The following PIGL variants were observed in gnomAD, a reference collection of about 807,000 sequenced individuals.
PIGL encodes the protein phosphatidylinositol glycan anchor biosynthesis class L.
In PIGL, 22 loss-of-function variants were observed where a neutral mutation model predicts 31.1. That is an observed-to-expected ratio of 0.71 (90% CI 0.51 to 1.01). The LOEUF (loss-of-function observed/expected upper bound fraction) is 1.01. PIGL is among the 50% of genes least tolerant of loss of function. PIGL has a pLI of 0.00. For synonymous variants in PIGL, 131 were observed against 117.4 expected, an observed-to-expected ratio of 1.12 and a Z score of -0.75; for missense variants, 302 against 315.9, an observed-to-expected ratio of 0.96 and a Z score of 0.33.
intron 2 of PIGL, among the ~76,000 whole-genome samples, chr17:16,248,687 A>T (rs1267378811): frequency 2.6e-5 from 4 of 152,132 alleles, no homozygotes; most frequent in Non-Finnish European, 5.9e-5. Flanking sequence ...GGATTTTTCT[A>T]GCATTCACCT....
chr17:16,220,706 C>T (rs2092624640), intron 1 of PIGL, among the ~76,000 whole-genome samples: 1 of 151,898 alleles, frequency 6.6e-6, no homozygotes, highest in South Asian at 2.1e-4. Context: ...AGGCTGGTCT[C>T]AAAACTCCCG....
chr17:16,320,517 GAA>G lies in PIGL; in HGVS notation c.660+2611_660+2612del, dbSNP rs1160368789. ...AGGGAAAGCGGGAGAGAGAGAGAGA[GAA>G]AGAAAAGAAAAGAAGAAGGAAGGAA... On this transcript the variant is annotated intron_variant, in intron 6 of 6. Coordinates refer to ENST00000225609, the MANE Select transcript of PIGL (RefSeq NM_004278.4). Among the ~76,000 whole-genome samples the G allele has an allele frequency of 2.7e-3, 363 of 135,826 alleles. 3 individuals carry two copies. Among genetic ancestry groups the G allele is most frequent in the African/African-American group, 9.8e-3 (346 of 35,370 alleles). The allele number at this position is 135,826 out of a possible 152,430, so 89.1% of individuals were successfully genotyped here.
At position 16,317,859 on chromosome 17, in the gene PIGL, C is replaced by G. The variant is rs374224976; in HGVS notation, c.611C>G (p.Thr204Arg). ...GATCTGCCCTTGTCTCTGCTTCATACGCAGGATGTCCTCTTCGTGCTCAAC... is the reference window on the plus strand; with the variant it reads ...GATCTGCCCTTGTCTCTGCTTCATAGGCAGGATGTCCTCTTCGTGCTCAAC... ...LLDLPLSLLH[T>R]QDVLFVLNSK... Residue 204 changes from threonine to arginine, a missense_variant, in exon 6 of 7, where the codon ACG (threonine) becomes AGG (arginine). Coordinates refer to ENST00000225609, the MANE Select transcript of PIGL (RefSeq NM_004278.4). The G allele has an allele frequency of 3.1e-6, 5 of 1,613,940 alleles. No homozygotes were observed. The highest frequency in any genetic ancestry group is 8.5e-7 in the Non-Finnish European group (1 of 1,180,046).
At chr17:16,311,237 TTC>T (rs1439333770) in intron 3 of PIGL, among the ~76,000 whole-genome samples, 1 of 151,858 alleles carries the variant, frequency 6.6e-6, no homozygotes, top group Non-Finnish European at 1.5e-5. Flanking sequence ...GTTTTTATAT[TTC>T]TTTTATTATT....
At chr17:16,267,309 G>A (rs889806114) in intron 2 of PIGL, among the ~76,000 whole-genome samples, 3 of 152,106 alleles carry the variant, frequency 2.0e-5, no homozygotes, top group Non-Finnish European at 4.4e-5. Context: ...TCTTCACATT[G>A]AGTAGGCTAT....
Position 16,217,223 on chromosome 17 carries a change from C to T in PIGL, c.-4C>T. On this transcript the variant is annotated 5_prime_UTR_variant, in exon 1 of 7. Transcript: ENST00000225609. ...CTGCGCAGGCTCAGTGCTGCTTACC[C>T]ATCATGGAAGCAATGTGGCTCCTGT... 2 of 1,612,916 alleles carry T rather than the reference C, an allele frequency of 1.2e-6. No homozygotes were observed. Among genetic ancestry groups the T allele is most frequent in the Non-Finnish European group, 1.7e-6 (2 of 1,178,950 alleles).
At chr17:16,324,284 T>C (rs1568850836) in intron 6 of PIGL, 1 of 152,106 alleles carries the variant, frequency 6.6e-6, no homozygotes. Flanking sequence ...TATTATCTTA[T>C]AATGTCTCTC....
chr17:16,298,748 C>T (rs1342110568), intron 2 of PIGL, among the ~76,000 whole-genome samples: 1 of 152,164 alleles, frequency 6.6e-6, no homozygotes, highest in African/African-American at 2.4e-5. Context: ...CTGTCAAAGG[C>T]CAGGTGCAGT....
intron 2 of PIGL, among the ~76,000 whole-genome samples, chr17:16,243,410 TG>T (rs2092731212): frequency 1.3e-5 from 2 of 152,280 alleles, no homozygotes; most frequent in Non-Finnish European, 2.9e-5. Flanking sequence ...GTATTTGATT[TG>T]GGGTGGGGAT....
chr17:16,237,834 CTT>C (rs2092705924), intron 2 of PIGL, among the ~76,000 whole-genome samples: 1 of 149,096 alleles, frequency 6.7e-6, no homozygotes, highest in Non-Finnish European at 1.5e-5. Flanking sequence ...AATTGAATCT[CTT>C]TTCTGTCACA....
intron 2 of PIGL, among the ~76,000 whole-genome samples, chr17:16,278,212 C>T (rs570198255): frequency 7.2e-5 from 11 of 152,248 alleles, no homozygotes; most frequent in East Asian, 1.9e-4. Flanking sequence ...TGAGCCACCA[C>T]GCCTGGCTAA....
Position 16,258,069 on chromosome 17 carries a change from AAGAGAG to A in PIGL, c.335+24027_335+24032del, listed in dbSNP as rs749459552. On this transcript the variant is annotated intron_variant, in intron 2 of 6. Transcript: ENST00000225609. The stretch of plus-strand genomic sequence containing the variant: ...CAGGAGCAAAACTTTGTCAGAAAGA[AAGAGAG>A]AGAGAGAGAGAGAGAGAGAGAGAGA... 3.7e-3 allele frequency among the ~76,000 whole-genome samples: 333 copies of A among 90,470 alleles called. 5 individuals carry two copies. The highest frequency in any genetic ancestry group is 4.1e-3 in the Non-Finnish European group (207 of 50,134). 59.4% of individuals were successfully genotyped at this position (90,470 alleles called of 152,430 possible).
At chr17:16,289,940 C>G (rs1392021676) in intron 2 of PIGL, among the ~76,000 whole-genome samples, 1 of 152,000 alleles carries the variant, frequency 6.6e-6, no homozygotes, top group Non-Finnish European at 1.5e-5. Context: ...CTAAGCCCGG[C>G]TAATTTTGTG....
intron 2 of PIGL, among the ~76,000 whole-genome samples, chr17:16,241,781 A>G (rs1047235154): frequency 6.6e-6 from 1 of 152,184 alleles, no homozygotes; most frequent in African/African-American, 2.4e-5. Context: ...CAAATGGTAT[A>G]AGAAATTTGG....
intron 2 of PIGL, among the ~76,000 whole-genome samples, chr17:16,246,403 T>C (rs1207846743): frequency 6.6e-6 from 1 of 151,126 alleles, no homozygotes; most frequent in African/African-American, 2.4e-5. Flanking sequence ...TCCCAGCTAC[T>C]TGGGAGGCTG....
Position 16,223,879 on chromosome 17 carries a change from C to T in PIGL, c.235+6418C>T, listed in dbSNP as rs190677191. 5.3e-5 allele frequency among the ~76,000 whole-genome samples: 8 copies of T among 152,194 alleles called. No individual in the cohort carries two copies. The East Asian group carries it at 1.5e-3, about 29-fold the overall frequency. Reference sequence around the variant, plus strand: ...TTTCCATGTAATTCTGGTCTATACACTTTAGTCATCTCAACAACCCTGTCT... The same window carrying T: ...TTTCCATGTAATTCTGGTCTATACATTTTAGTCATCTCAACAACCCTGTCT... On this transcript the variant is annotated intron_variant, in intron 1 of 6. Transcript: ENST00000225609.
At chr17:16,275,884 TGTG>T (rs1157814255) in intron 2 of PIGL, among the ~76,000 whole-genome samples, 1 of 151,872 alleles carries the variant, frequency 6.6e-6, no homozygotes, top group Non-Finnish European at 1.5e-5. Context: ...ATTAGCCAGG[TGTG>T]GTGGTGGGTG....
At chr17:16,249,245 G>A (rs563340808) in intron 2 of PIGL, among the ~76,000 whole-genome samples, 14 of 152,298 alleles carry the variant, frequency 9.2e-5, no homozygotes, top group African/African-American at 3.1e-4. Context: ...TTGGGAGGCC[G>A]AGGCAGGTGG....
intron 2 of PIGL, among the ~76,000 whole-genome samples, chr17:16,257,348 C>T (rs2092798313): frequency 2.0e-5 from 3 of 151,930 alleles, no homozygotes; most frequent in South Asian, 2.1e-4. Context: ...ACCCAGGAGG[C>T]GGAGGTTGCA....
Sources: gnomAD v4.1 joint callset for allele counts (sites outside exome capture counted in the v4.1 genomes callset) on GRCh38, gnomAD v4.1.1 for gene constraint, MANE v1.5 for transcripts, NCBI Gene and HGNC (gene_info 2026-07-23, HGNC 2026-07-21) for gene names.